Variants in SELPLG observed in about 807,000 individuals in gnomAD.
SELPLG encodes selectin P ligand.
In SELPLG, 2 loss-of-function variants were observed where a neutral mutation model predicts 1.1. That is an observed-to-expected ratio of 1.82 (90% CI 0.74 to 5.71). SELPLG has a LOEUF of 5.71. Ranked by LOEUF, SELPLG falls within the 30% of genes most tolerant of loss-of-function variation. The pLI, the probability that SELPLG is intolerant of heterozygous loss-of-function variation, is 0.05. For missense variants in SELPLG, 478 were observed against 524.7 expected (o/e 0.91, Z 0.87); for synonymous variants, 230 against 221.2 (o/e 1.04, Z -0.35).
intron 1 of SELPLG, chr12:108,628,739 C>T (rs2031990504): frequency 6.6e-6 from 1 of 152,244 alleles, no homozygotes; most frequent in Non-Finnish European, 1.5e-5. Context: ...TGCTGGGGCC[C>T]AGTTCTTCAG....
rs62623456 is a variant in SELPLG at position 108,624,189 on chromosome 12, C to T, written c.119G>A (p.Arg40Gln). The change falls in exon 2 of 2, where the codon CGG (arginine) becomes CAG (glutamine). Residue 40 changes from arginine to glutamine, a missense_variant. By Grantham distance (43) the Arg-to-Gln change is conservative. Transcript: ENST00000550948. The part of the protein sequence containing the change: ...KALGPLLARD[R>Q]RQATEYEYLD... ...GTACTCATATTCGGTGGCCTGTCTC[C>T]GGTCCCGGGCAAGCAGGGGACCCAA... 223 of 1,614,020 alleles carry T rather than the reference C, an allele frequency of 1.4e-4. 1 individual carries two copies. The Middle Eastern group carries it at 3.8e-3, about 27-fold the overall frequency.
At position 108,622,838 on chromosome 12, in the gene SELPLG, T is replaced by C. The variant is rs538453425; in HGVS notation, c.*231A>G. 6.9e-5 allele frequency: 33 copies of C among 476,224 alleles called. No individual in the cohort carries two copies. Among genetic ancestry groups the C allele is most frequent in the Non-Finnish European group, 1.1e-4 (31 of 272,084 alleles). The allele number at this position is 476,224 out of a possible 1,614,324, so 29.5% of individuals were successfully genotyped here. On this transcript the variant is annotated 3_prime_UTR_variant, in exon 2 of 2. Transcript: ENST00000550948. Reference sequence around the variant, plus strand: ...CTCCTGCCTTGGACCTCGGCTGAAATGTGGCTGGGCTTCATCCGCGGAGGG... The same window carrying C: ...CTCCTGCCTTGGACCTCGGCTGAAACGTGGCTGGGCTTCATCCGCGGAGGG...
Position 108,624,326 on chromosome 12 carries a change from A to G in SELPLG, c.-5-14T>C. 6.2e-7 allele frequency: 1 copy of G among 1,610,148 alleles called. No homozygotes were observed. The highest frequency in any genetic ancestry group is 8.5e-7 in the Non-Finnish European group (1 of 1,177,726). On this transcript the variant is annotated splice_polypyrimidine_tract_variant and intron_variant, in intron 1 of 1. Coordinates refer to ENST00000550948, the MANE Select transcript of SELPLG (RefSeq NM_003006.4). ...GAGGCATGGCACCTAGGAGGAGACA[A>G]TGGGCGGAGGGATGTCAAGACAGTT... is the stretch of plus-strand genomic sequence containing the variant.
At chr12:108,630,875 C>A (rs1380454273) in intron 1 of SELPLG, among the ~76,000 whole-genome samples, 1 of 152,246 alleles carries the variant, frequency 6.6e-6, no homozygotes, top group East Asian at 1.9e-4. Context: ...AAGGCAGGAA[C>A]CACAGCTGTC....
chr12:108,633,074 T>C (rs992617008), intron 1 of SELPLG, among the ~76,000 whole-genome samples: 1 of 151,976 alleles, frequency 6.6e-6, no homozygotes, highest in Non-Finnish European at 1.5e-5. Context: ...TCCCTTCACC[T>C]CTCCCGACCT....
At position 108,624,329 on chromosome 12, in the gene SELPLG, G is replaced by C. The variant is rs1349841473; in HGVS notation, c.-5-17C>G. 6.2e-7 allele frequency: 1 copy of C among 1,607,908 alleles called. No individual in the cohort carries two copies. Among genetic ancestry groups the C allele is most frequent in the African/African-American group, 1.3e-5 (1 of 74,704 alleles). On this transcript the variant is annotated splice_polypyrimidine_tract_variant and intron_variant, in intron 1 of 1. Transcript: ENST00000550948. ...GCATGGCACCTAGGAGGAGACAATG[G>C]GCGGAGGGATGTCAAGACAGTTTCA... is the stretch of plus-strand genomic sequence containing the variant.
rs755301812 is a variant in SELPLG at position 108,623,884 on chromosome 12, G to A, written c.424C>T (p.Gln142Ter). 1.7e-4 allele frequency: 185 copies of A among 1,067,784 alleles called. No homozygotes were observed. Among genetic ancestry groups the A allele is most frequent in the Non-Finnish European group, 2.3e-4 (183 of 779,496 alleles). The allele number at this position is 1,067,784 out of a possible 1,614,324, so 66.1% of individuals were successfully genotyped here. The change falls in exon 2 of 2, where the codon CAG (glutamine) becomes TAG (stop). Residue 142 changes from glutamine (Q) to a stop codon, truncating the protein, a stop_gained. Coordinates refer to ENST00000550948, the MANE Select transcript of SELPLG (RefSeq NM_003006.4). LOFTEE classifies it low-confidence loss of function (END_TRUNC). ...QTTQPVPTEA[Q>*]TTPLAATEAQ... Reference sequence around the variant, plus strand: ...TCTGTGGCTGCCAGTGGAGTGGTCTGTGCCTCCGTGGGCACTGGTTGAGTG... The same window carrying A: ...TCTGTGGCTGCCAGTGGAGTGGTCTATGCCTCCGTGGGCACTGGTTGAGTG...
intron 1 of SELPLG, among the ~76,000 whole-genome samples, chr12:108,627,375 T>C (rs1592820356): frequency 6.6e-6 from 1 of 150,932 alleles, no homozygotes; most frequent in East Asian, 1.9e-4. Context: ...GAGGGCAGAG[T>C]AAGAAAAAGG....
rs990153611 is a variant in SELPLG, at chr12:108,624,461, G to A, written c.-5-149C>T. The A allele has an allele frequency of 2.4e-5, 16 of 663,886 alleles. No homozygotes were observed. The African/African-American group carries it at 2.7e-4, about 11-fold the overall frequency. 41.1% of individuals were successfully genotyped at this position (663,886 alleles called of 1,614,324 possible). A position where few individuals can be genotyped will look rare whatever the true frequency, so the allele number is the denominator to read the frequency against. ...GGACTTAGGCATCCCTGACATGCCT[G>A]GGATGGAGAAGATCCTCAGCCAGTA... On this transcript the variant is annotated intron_variant, in intron 1 of 1. Coordinates refer to ENST00000550948, the MANE Select transcript of SELPLG (RefSeq NM_003006.4).
intron 1 of SELPLG, chr12:108,632,083 C>G (rs1335328626): frequency 6.1e-6 from 4 of 659,426 alleles, no homozygotes; most frequent in Non-Finnish European, 1.0e-5. Context: ...ATGATTGATT[C>G]CCCAGCTCCT....
chr12:108,623,475 G>A lies in SELPLG; in HGVS notation c.833C>T (p.Thr278Ile), dbSNP rs141661593. ...ATEALSMEPT[T>I]KRGLFIPFSV... ...AAAGGGTATGAACAGACCTCTTTTG[G>A]TAGTAGGTTCCATGGACAGGGCCTC... Residue 278 changes from threonine (T) to isoleucine (I), a missense_variant, in exon 2 of 2, where the codon ACC becomes ATC. Coordinates refer to ENST00000550948, the MANE Select transcript of SELPLG (RefSeq NM_003006.4). The A allele has an allele frequency of 1.9e-4, 308 of 1,614,264 alleles. 2 individuals are homozygous for A. In the African/African-American group the frequency reaches 3.8e-3, roughly 20 times the overall value.
Position 108,622,972 on chromosome 12 carries a change from A to G in SELPLG, c.*97T>C. On this transcript the variant is annotated 3_prime_UTR_variant, in exon 2 of 2. Coordinates refer to ENST00000550948, the MANE Select transcript of SELPLG (RefSeq NM_003006.4). ...AGATCCCCATCCCCAGGGGTCTCCGAGGAAGCCCAGAGCTGTGGAATGGGG... is the reference window on the plus strand; with the variant it reads ...AGATCCCCATCCCCAGGGGTCTCCGGGGAAGCCCAGAGCTGTGGAATGGGG... 7.8e-7 allele frequency: 1 copy of G among 1,282,844 alleles called. No homozygotes were observed. Among genetic ancestry groups the G allele is most frequent in the Admixed American group, 3.0e-5 (1 of 33,528 alleles). 79.5% of individuals were successfully genotyped at this position (1,282,844 alleles called of 1,614,324 possible).
intron 1 of SELPLG, chr12:108,631,989 C>T (rs2032065570): frequency 1.2e-5 from 17 of 1,473,424 alleles, no homozygotes; most frequent in Non-Finnish European, 1.4e-5. Flanking sequence ...AGAAGCCATG[C>T]CGCCAGAGGC....
At position 108,623,588 on chromosome 12, in the gene SELPLG, C is replaced by G. The variant is rs771847261; in HGVS notation, c.720G>C (p.Glu240Asp). 1.2e-6 allele frequency: 2 copies of G among 1,612,500 alleles called. No individual in the cohort carries two copies. The highest frequency in any genetic ancestry group is 1.7e-6 in the Non-Finnish European group (2 of 1,179,528). Reference protein sequence around the residue: ...EAQTTAPEATEAQTTQPTATE... With the variant: ...EAQTTAPEATDAQTTQPTATE... ...TGGCTGTGGGTTGAGTGGTCTGTGCCTCCGTGGCTTCTGGTGCAGTGGTCT... is the reference window on the plus strand; with the variant it reads ...TGGCTGTGGGTTGAGTGGTCTGTGCGTCCGTGGCTTCTGGTGCAGTGGTCT... Residue 240 changes from glutamate (E) to aspartate (D), a missense_variant, in exon 2 of 2, where the codon GAG becomes GAC. Glu to Asp is a conservative substitution (Grantham distance 45). Coordinates refer to ENST00000550948, the MANE Select transcript of SELPLG (RefSeq NM_003006.4).
At chr12:108,626,843 G>A (rs9705929) in intron 1 of SELPLG, among the ~76,000 whole-genome samples, 1,672 of 152,236 alleles carry the variant, frequency 0.011, 10 homozygotes, top group Middle Eastern at 0.031. Flanking sequence ...AGTGGCTCAC[G>A]CCTGTAATCC....
At chr12:108,629,650 G>A (rs1245798235) in intron 1 of SELPLG, among the ~76,000 whole-genome samples, 1 of 152,144 alleles carries the variant, frequency 6.6e-6, no homozygotes, top group Non-Finnish European at 1.5e-5. Flanking sequence ...AGGCTGCAGT[G>A]AGCTATGATC....
rs8179143 is a variant in SELPLG at position 108,623,003 on chromosome 12, G to A, written c.*66C>T. ...CCCAGAGCTGTGGAATGGGGTCTGG[G>A]CACTCAGGGGTGGCCCAGGAGAGCC... On this transcript the variant is annotated 3_prime_UTR_variant, in exon 2 of 2. Coordinates refer to ENST00000550948, the MANE Select transcript of SELPLG (RefSeq NM_003006.4). 2,058 of 1,420,432 alleles carry A rather than the reference G, an allele frequency of 1.4e-3. 24 individuals carry two copies. In the African/African-American group the frequency reaches 0.026, roughly 18 times the overall value. The allele number at this position is 1,420,432 out of a possible 1,614,324, so 88.0% of individuals were successfully genotyped here.
chr12:108,625,212 A>G (rs980185475), intron 1 of SELPLG, among the ~76,000 whole-genome samples: 11 of 151,952 alleles, frequency 7.2e-5, no homozygotes, highest in Non-Finnish European at 1.6e-4. Context: ...GCCCACTGCC[A>G]TGCCACCTCT....
chr12:108,628,913 A>C (rs2031994043), intron 1 of SELPLG, among the ~76,000 whole-genome samples: 2 of 152,194 alleles, frequency 1.3e-5, no homozygotes, highest in Non-Finnish European at 2.9e-5. Context: ...TCTAAGCCTC[A>C]GTTTCCTCAT....
Sources: gnomAD v4.1 joint callset for allele counts (sites outside exome capture counted in the v4.1 genomes callset) on GRCh38, gnomAD v4.1.1 for gene constraint, MANE v1.5 for transcripts, NCBI Gene and HGNC (gene_info 2026-07-23, HGNC 2026-07-21) for gene names.